The following SLC7A1 variants were observed in gnomAD, a reference collection of about 807,000 sequenced individuals.
The protein encoded by SLC7A1 is high affinity cationic amino acid transporter 1.
SLC7A1 carries 10 observed loss-of-function variants against 53.9 expected under a neutral mutation model. The observed-to-expected ratio is 0.19, with a 90% confidence interval of 0.11 to 0.31. The LOEUF (loss-of-function observed/expected upper bound fraction) is 0.31. SLC7A1 is among the 10% of genes least tolerant of loss of function. The pLI, the probability that SLC7A1 is intolerant of heterozygous loss-of-function variation, is 1.00. For missense variants in SLC7A1, 525 were observed against 827.2 expected (o/e 0.63, Z 4.48); for synonymous variants, 342 against 338.7 (o/e 1.01, Z -0.11).
intron 9 of SLC7A1, among the ~76,000 whole-genome samples, chr13:29,518,922 C>A (rs961732291): frequency 6.6e-6 from 1 of 151,976 alleles, no homozygotes; most frequent in African/African-American, 2.4e-5. Context: ...CTTGCCTGGC[C>A]CCCACCAGGC....
At chr13:29,592,568 T>C (rs1459610187) in intron 1 of SLC7A1, among the ~76,000 whole-genome samples, 2 of 152,208 alleles carry the variant, frequency 1.3e-5, no homozygotes, top group African/African-American at 4.8e-5. Flanking sequence ...AAGCCTGGAT[T>C]GACAGATCAT....
In SLC7A1 at chr13:29,585,772, G is replaced by A. The variant is rs115393730; in HGVS notation, c.-115+9644C>T. 4.8e-3 allele frequency among the ~76,000 whole-genome samples: 731 copies of A among 152,306 alleles called. 6 individuals are homozygous for A. The highest frequency in any genetic ancestry group is 0.015 in the African/African-American group (644 of 41,572). The stretch of plus-strand genomic sequence containing the variant: ...TGAAACAATCTCACCAGAGAGGAAA[G>A]GACAGCTGTGACAGTCACCCTCCCT... On this transcript the variant is annotated intron_variant, in intron 1 of 12. Coordinates refer to ENST00000380752, the MANE Select transcript of SLC7A1 (RefSeq NM_003045.5).
chr13:29,533,919 T>C (rs932090417), intron 3 of SLC7A1, among the ~76,000 whole-genome samples: 9 of 152,212 alleles, frequency 5.9e-5, no homozygotes, highest in Non-Finnish European at 1.2e-4. Flanking sequence ...CCACAGCATA[T>C]TGCCACAGTG....
intron 8 of SLC7A1, among the ~76,000 whole-genome samples, chr13:29,521,468 G>A (rs761664382): frequency 5.3e-5 from 8 of 152,176 alleles, no homozygotes; most frequent in Non-Finnish European, 1.0e-4. Context: ...GAATCACAAG[G>A]CCGCTCCACC....
At chr13:29,553,205 A>G (rs970765264) in intron 2 of SLC7A1, among the ~76,000 whole-genome samples, 1 of 152,228 alleles carries the variant, frequency 6.6e-6, no homozygotes, top group Non-Finnish European at 1.5e-5. Flanking sequence ...GAAGAATGGG[A>G]GCAAGATGAA....
chr13:29,536,181 C>T lies in SLC7A1; in HGVS notation c.8G>A (p.Cys3Tyr). The T allele has an allele frequency of 6.2e-7, 1 of 1,612,714 alleles. No homozygotes were observed. Among genetic ancestry groups the T allele is most frequent in the Non-Finnish European group, 8.5e-7 (1 of 1,179,092 alleles). MG[C>Y]KVLLNIGQQM... ...CTGCCCAATGTTGAGCAGGACTTTG[C>T]ACCCCATGTTGCTGTTCAGAGCTGT... The change falls in exon 3 of 13, where the codon TGC becomes TAC. Residue 3 changes from cysteine to tyrosine, a missense_variant. This residue lies in a region of SLC7A1 where 354 missense variants were observed against 587.5 expected (regional missense o/e 0.60). Coordinates refer to ENST00000380752, the MANE Select transcript of SLC7A1 (RefSeq NM_003045.5).
At chr13:29,553,737 G>C (rs150690354) in intron 2 of SLC7A1, 24 bp downstream of exon 2, 1 of 152,316 alleles carries the variant, frequency 6.6e-6, no homozygotes, top group Non-Finnish European at 1.5e-5. Flanking sequence ...ATATTCTGCT[G>C]TCGTGCTGAC....
chr13:29,533,130 G>T, intron 3 of SLC7A1, 148 bp from the exon 4 acceptor site: 1 of 758,854 alleles, frequency 1.3e-6, no homozygotes, highest in Non-Finnish European at 2.0e-6. Context: ...AGTGTATGCT[G>T]AGCCAGAAGT....
chr13:29,583,282 C>G (rs542904975), intron 1 of SLC7A1, among the ~76,000 whole-genome samples: 8 of 152,222 alleles, frequency 5.3e-5, no homozygotes, highest in Admixed American at 5.2e-4. Flanking sequence ...ATGTTTGAGT[C>G]ACTGCTCATT....
At chr13:29,567,980 C>T (rs1871040797) in intron 1 of SLC7A1, among the ~76,000 whole-genome samples, 1 of 152,110 alleles carries the variant, frequency 6.6e-6, no homozygotes, top group Non-Finnish European at 1.5e-5. Context: ...GACAGCTCTT[C>T]ACAGAGGGGC....
chr13:29,574,791 C>T (rs1046846466), intron 1 of SLC7A1, among the ~76,000 whole-genome samples: 89 of 151,976 alleles, frequency 5.9e-4, no homozygotes, highest in African/African-American at 2.0e-3. Context: ...ACTACAGGTG[C>T]GCGCCACCAT....
intron 8 of SLC7A1, among the ~76,000 whole-genome samples, chr13:29,520,161 C>T (rs1868569289): frequency 6.6e-6 from 1 of 152,162 alleles, no homozygotes; most frequent in South Asian, 2.1e-4. Context: ...ATCCGATCCA[C>T]CCATCCATCC....
chr13:29,516,084 G>T, intron 12 of SLC7A1, 54 bp downstream of exon 12: 1 of 1,083,336 alleles, frequency 9.2e-7, no homozygotes, highest in Non-Finnish European at 1.4e-6. Context: ...TGAAACAAGG[G>T]AGACCCCCAG....
intron 1 of SLC7A1, among the ~76,000 whole-genome samples, chr13:29,569,675 A>G (rs1259753335): frequency 6.6e-6 from 1 of 152,234 alleles, no homozygotes; most frequent in Non-Finnish European, 1.5e-5. Flanking sequence ...AACACATTGC[A>G]CTATCAAGAC....
At chr13:29,573,895 A>G (rs1180059103) in intron 1 of SLC7A1, among the ~76,000 whole-genome samples, 2 of 152,216 alleles carry the variant, frequency 1.3e-5, no homozygotes, top group African/African-American at 4.8e-5. Flanking sequence ...GCACCTTTCT[A>G]GCCGCAGACC....
At chr13:29,526,119 G>C (rs1009034098) in intron 5 of SLC7A1, among the ~76,000 whole-genome samples, 2 of 152,230 alleles carry the variant, frequency 1.3e-5, no homozygotes, top group Admixed American at 6.5e-5. Context: ...GTGGCGGCCA[G>C]GGTGACAGAC....
intron 8 of SLC7A1, 95 bp from the exon 9 acceptor site, chr13:29,519,644 G>T: frequency 1.4e-6 from 1 of 723,532 alleles, no homozygotes. Context: ...GGCAGCGAAG[G>T]GGGCTGCTTT....
intron 2 of SLC7A1, among the ~76,000 whole-genome samples, chr13:29,548,738 G>T (rs758185785): frequency 1.3e-5 from 2 of 152,186 alleles, no homozygotes; most frequent in Non-Finnish European, 2.9e-5. Context: ...TAACACCTTT[G>T]CGTAAGCAAA....
chr13:29,556,496 A>G (rs1870446603), intron 1 of SLC7A1, among the ~76,000 whole-genome samples: 1 of 152,080 alleles, frequency 6.6e-6, no homozygotes, highest in Non-Finnish European at 1.5e-5. Context: ...CTCCCACATC[A>G]GCCCCCCAAG....
Sources: allele counts gnomAD v4.1 joint callset (sites outside exome capture counted in the v4.1 genomes callset), GRCh38; gene constraint gnomAD v4.1.1; regional missense constraint gnomAD v4.1.1; transcripts MANE v1.5; gene names NCBI Gene and HGNC (gene_info 2026-07-23, HGNC 2026-07-21).